The following PCBD2 variants were observed in gnomAD, a reference collection of about 807,000 sequenced individuals.
PCBD2 encodes pterin-4 alpha-carbinolamine dehydratase 2, also known as pterin-4-alpha-carbinolamine dehydratase 2.
Under a neutral mutation model 16.4 loss-of-function variants are expected in PCBD2, and 12 were observed. That is an observed-to-expected ratio of 0.73 (90% CI 0.47 to 1.19). The LOEUF (loss-of-function observed/expected upper bound fraction) is 1.19. Among genes scored for constraint, PCBD2 ranks in the 50% most tolerant of loss-of-function variants. PCBD2 has a pLI of 0.00. For synonymous variants in PCBD2, 58 were observed against 61.8 expected (o/e 0.94, Z 0.29); for missense variants, 138 against 156.8 (o/e 0.88, Z 0.64).
At chr5:134,927,758 T>A (rs1580885026) in intron 2 of PCBD2, 1 of 397,270 alleles carries the variant, frequency 2.5e-6, no homozygotes, top group East Asian at 3.6e-5. Flanking sequence ...AGAGGTAGAG[T>A]TTTTTTCGTG....
At chr5:134,927,905 T>A (rs1751036475) in intron 2 of PCBD2, 1 of 396,726 alleles carries the variant, frequency 2.5e-6, no homozygotes, top group African/African-American at 2.1e-5. Context: ...TGTTGTTGAT[T>A]TGGTTGAAAA....
intron 2 of PCBD2, among the ~76,000 whole-genome samples, chr5:134,940,248 A>T (rs1751209521): frequency 6.6e-6 from 1 of 152,200 alleles, no homozygotes; most frequent in South Asian, 2.1e-4. Flanking sequence ...TCAAACTCTA[A>T]CAATTGTAAG....
chr5:134,935,771 C>T (rs769450541), intron 2 of PCBD2, among the ~76,000 whole-genome samples: 1 of 152,204 alleles, frequency 6.6e-6, no homozygotes, highest in Non-Finnish European at 1.5e-5. Context: ...TCTGTTTCCT[C>T]ATTAATAGTT....
Position 134,962,501 on chromosome 5 carries a change from C to T in PCBD2, c.*1820C>T, listed in dbSNP as rs931557060. On this transcript the variant is annotated 3_prime_UTR_variant, in exon 4 of 4. Transcript: ENST00000254908. ...TGCCTGGGCTCAAATGATCTTCCTG[C>T]CTTGACCCCCCAAAGTGCTGGGATT... 2.0e-5 allele frequency among the ~76,000 whole-genome samples: 3 copies of T among 152,138 alleles called. No individual in the cohort carries two copies. The highest frequency in any genetic ancestry group is 7.2e-5 in the African/African-American group (3 of 41,420).
chr5:134,946,059 A>T (rs1751292120), intron 2 of PCBD2, among the ~76,000 whole-genome samples: 1 of 151,240 alleles, frequency 6.6e-6, no homozygotes, highest in Admixed American at 6.6e-5. Context: ...ACAAATAATT[A>T]AAATTATTAT....
intron 2 of PCBD2, among the ~76,000 whole-genome samples, chr5:134,916,778 G>C (rs1438706636): frequency 5.3e-5 from 8 of 152,216 alleles, no homozygotes; most frequent in African/African-American, 1.9e-4. Context: ...GTAGCCATAG[G>C]TGTCAGTTGC....
In PCBD2 at chr5:134,912,284, C is replaced by A. The variant is rs80138139; in HGVS notation, c.216+1818C>A. Among the ~76,000 whole-genome samples the A allele has an allele frequency of 4.4e-3, 668 of 152,296 alleles. 6 individuals are homozygous for A. Among genetic ancestry groups the A allele is most frequent in the African/African-American group, 0.015 (635 of 41,568 alleles). ...TCCGGGGGTCAGTTTTCCCACTAGGCTCCTATGACTTCTGCGTGTACCATG... is the reference window on the plus strand; with the variant it reads ...TCCGGGGGTCAGTTTTCCCACTAGGATCCTATGACTTCTGCGTGTACCATG... On this transcript the variant is annotated intron_variant, in intron 2 of 3. Transcript: ENST00000254908.
At position 134,906,194 on chromosome 5, in the gene PCBD2, A is replaced by ATTTTTTTTTTTTTTTTTTT. The variant is rs1158334317; in HGVS notation, c.84+980_84+998dup. On this transcript the variant is annotated intron_variant, in intron 1 of 3. Transcript: ENST00000254908. ...TGGCCTGAAATTCTTTAATAGAAGA[A>ATTTTTTTTTTTTTTTTTTT]TTTTTTTTTTTTTTTTTTTTTTTTT... is the stretch of plus-strand genomic sequence containing the variant. Among the ~76,000 whole-genome samples the ATTTTTTTTTTTTTTTTTTT allele has an allele frequency of 1.8e-4, 12 of 66,522 alleles. 3 individuals are homozygous for ATTTTTTTTTTTTTTTTTTT. Among genetic ancestry groups the ATTTTTTTTTTTTTTTTTTT allele is most frequent in the African/African-American group, 7.5e-4 (11 of 14,662 alleles). 43.6% of individuals were successfully genotyped at this position (66,522 alleles called of 152,430 possible).
intron 2 of PCBD2, among the ~76,000 whole-genome samples, chr5:134,955,085 A>G (rs1241046823): frequency 6.6e-6 from 1 of 151,902 alleles, no homozygotes; most frequent in Non-Finnish European, 1.5e-5. Flanking sequence ...TTTTGATTAG[A>G]TGCCAAAAGG....
At chr5:134,907,848 T>C (rs1750715797) in intron 1 of PCBD2, among the ~76,000 whole-genome samples, 1 of 151,214 alleles carries the variant, frequency 6.6e-6, no homozygotes, top group South Asian at 2.1e-4. Context: ...GGTCTTGAAC[T>C]CCTGCCCTCG....
At chr5:134,917,889 A>T (rs938266010) in intron 2 of PCBD2, among the ~76,000 whole-genome samples, 1 of 152,186 alleles carries the variant, frequency 6.6e-6, no homozygotes, top group African/African-American at 2.4e-5. Context: ...CTTACTTTAT[A>T]AAAATGTTTT....
chr5:134,907,047 T>G (rs1440618229), intron 1 of PCBD2, among the ~76,000 whole-genome samples: 1 of 152,214 alleles, frequency 6.6e-6, no homozygotes, highest in Non-Finnish European at 1.5e-5. Context: ...TGCATACCAC[T>G]GATCTTAGCG....
intron 2 of PCBD2, chr5:134,926,890 C>G: frequency 2.5e-6 from 1 of 398,572 alleles, no homozygotes. Context: ...AATGTGGTTA[C>G]TAGCACAGAG....
chr5:134,938,317 T>G (rs1751185483), intron 2 of PCBD2, among the ~76,000 whole-genome samples: 1 of 152,224 alleles, frequency 6.6e-6, no homozygotes, highest in African/African-American at 2.4e-5. Flanking sequence ...TTGCCTCTCA[T>G]GCCTCTTTGC....
chr5:134,922,408 C>T (rs534587153), intron 2 of PCBD2, among the ~76,000 whole-genome samples: 1 of 152,096 alleles, frequency 6.6e-6, no homozygotes, highest in Non-Finnish European at 1.5e-5. Context: ...CCCCATCTCA[C>T]ACTATCCTGC....
chr5:134,941,657 A>G (rs1186924883), intron 2 of PCBD2, among the ~76,000 whole-genome samples: 1 of 152,200 alleles, frequency 6.6e-6, no homozygotes, highest in East Asian at 1.9e-4. Context: ...ATGGTGCCAC[A>G]TGGAGAATGA....
intron 2 of PCBD2, among the ~76,000 whole-genome samples, chr5:134,920,096 T>C (rs1328594818): frequency 1.3e-5 from 2 of 152,208 alleles, no homozygotes; most frequent in Non-Finnish European, 2.9e-5. Flanking sequence ...CTTTGAGCTC[T>C]CCATGTTTTG....
In PCBD2 at chr5:134,944,160, T is replaced by C. The variant is rs377588318; in HGVS notation, c.217-14880T>C. On this transcript the variant is annotated intron_variant, in intron 2 of 3. Transcript: ENST00000254908. Reference sequence around the variant, plus strand: ...GAATGCACATGTGTTCCTGCACTTTTTCTTTCATGATTGAAACTTTAAACC... The same window carrying C: ...GAATGCACATGTGTTCCTGCACTTTCTCTTTCATGATTGAAACTTTAAACC... 4.6e-5 allele frequency among the ~76,000 whole-genome samples: 7 copies of C among 152,360 alleles called. No homozygotes were observed. The East Asian group carries it at 9.6e-4, about 21-fold the overall frequency.
rs1751488550 is a variant in PCBD2, at chr5:134,962,364, G to A, written c.*1683G>A. ...CTGCCTTGGCCTCTCAAAATGTTGGGATTACAGGTGTGAGCCACTGTGTCA... is the reference window on the plus strand; with the variant it reads ...CTGCCTTGGCCTCTCAAAATGTTGGAATTACAGGTGTGAGCCACTGTGTCA... On this transcript the variant is annotated 3_prime_UTR_variant, in exon 4 of 4. Transcript: ENST00000254908. 6.6e-6 allele frequency among the ~76,000 whole-genome samples: 1 copy of A among 152,076 alleles called. No homozygotes were observed.
Sources: allele counts gnomAD v4.1 joint callset (sites outside exome capture counted in the v4.1 genomes callset), GRCh38; gene constraint gnomAD v4.1.1; transcripts MANE v1.5; gene names NCBI Gene and HGNC (gene_info 2026-07-23, HGNC 2026-07-21).